The following CHRNA4 variants were observed in gnomAD, a reference collection of about 807,000 sequenced individuals.
The protein encoded by CHRNA4 is neuronal acetylcholine receptor subunit alpha-4.
CHRNA4 carries 28 observed loss-of-function variants against 48.9 expected under a neutral mutation model. The observed-to-expected ratio is 0.57, with a 90% CI of 0.42 to 0.79. The LOEUF (loss-of-function observed/expected upper bound fraction) is 0.79. CHRNA4 is among the 30% of genes least tolerant of loss of function. The pLI is 0.00. For missense variants in CHRNA4, 859 were observed against 898.4 expected, an observed-to-expected ratio of 0.96 and a Z score of 0.56; for synonymous variants, 425 against 402.3, an observed-to-expected ratio of 1.06 and a Z score of -0.68.
chr20:63,345,784 C>T lies in CHRNA4; in HGVS notation c.*954G>A, dbSNP rs202134409. On this transcript the variant is annotated 3_prime_UTR_variant, in exon 6 of 6. Coordinates refer to ENST00000370263, the MANE Select transcript of CHRNA4 (RefSeq NM_000744.7). The surrounding 1 kb of genome is among the most constrained non-coding windows in gnomAD (Gnocchi z 5.4). ...AACCCAGAGCCCAGGGCGGATCTCC[C>T]GGGCTGCGCGCCAAGGTGGAAACCC... 2.0e-5 allele frequency: 9 copies of T among 441,806 alleles called. No individual in the cohort carries two copies. Among genetic ancestry groups the T allele is most frequent in the Middle Eastern group, 7.1e-4 (1 of 1,414 alleles). 27.4% of individuals were successfully genotyped at this position (441,806 alleles called of 1,614,324 possible). A position where few individuals can be genotyped will look rare whatever the true frequency, so the allele number is the denominator to read the frequency against.
At position 63,359,614 on chromosome 20, in the gene CHRNA4, G is replaced by T. The variant is rs776104392; in HGVS notation, c.162C>A (p.Pro54=). ...LFSGYNKWSR[P]VANISDVVLV... ...GGACCACGTCCGAGATGTTGGCCAC[G>T]GGTCGGGACCACTTGTTGTAACCGG... Residue 54 remains proline, a synonymous_variant, in exon 2 of 6, where the codon CCC becomes CCA. Transcript: ENST00000370263. 1 of 1,612,608 alleles carries T rather than the reference G, an allele frequency of 6.2e-7. No individual in the cohort carries two copies. Among genetic ancestry groups the T allele is most frequent in the Non-Finnish European group, 8.5e-7 (1 of 1,179,950 alleles).
Position 63,350,423 on chromosome 20 carries a change from C to A in CHRNA4, c.988G>T (p.Val330Leu). 6.2e-7 allele frequency: 1 copy of A among 1,613,840 alleles called. No individual in the cohort carries two copies. Among genetic ancestry groups the A allele is most frequent in the South Asian group, 1.1e-5 (1 of 91,080 alleles). The change falls in exon 5 of 6, where the codon GTG (valine) becomes TTG (leucine). Residue 330 changes from valine (V) to leucine (L), a missense_variant. Physicochemically the swap from Val to Leu is conservative, Grantham distance 32. Coordinates refer to ENST00000370263, the MANE Select transcript of CHRNA4 (RefSeq NM_000744.7). ...SIVITVFVLN[V>L]HHRSPRTHTM... is the part of the protein sequence containing the mutation. Reference sequence around the variant, plus strand: ...TGCGTGCGTGGCGAGCGGTGGTGCACGTTGAGCACGAAGACCGTGATGACG... The same window carrying A: ...TGCGTGCGTGGCGAGCGGTGGTGCAAGTTGAGCACGAAGACCGTGATGACG...
chr20:63,350,055 G>C lies in CHRNA4; in HGVS notation c.1356C>G (p.Pro452=). ...CCAGCCCTGGTGCCTGGGTGCCGTG[G>C]GGCGGGCGGCAGGGTCCAGGCGAGG... ...PHPSPGPCRP[P]HGTQAPGLAK... The change falls in exon 5 of 6, where the codon CCC becomes CCG. Residue 452 remains proline, a synonymous_variant. Transcript: ENST00000370263. The C allele has an allele frequency of 6.6e-7, 1 of 1,512,590 alleles. No individual in the cohort carries two copies. The highest frequency in any genetic ancestry group is 1.3e-5 in the South Asian group (1 of 75,848). 93.7% of individuals were successfully genotyped at this position (1,512,590 alleles called of 1,614,324 possible).
intron 4 of CHRNA4, among the ~76,000 whole-genome samples, chr20:63,352,411 T>C (rs1429758924): frequency 2.0e-5 from 3 of 152,126 alleles, no homozygotes; most frequent in East Asian, 1.9e-4. Context: ...CCCCCTGAAC[T>C]GGTCCTGAGC....
rs1242705026 is a variant in CHRNA4, at chr20:63,346,252, G to A, written c.*486C>T. On this transcript the variant is annotated 3_prime_UTR_variant, in exon 6 of 6. Coordinates refer to ENST00000370263, the MANE Select transcript of CHRNA4 (RefSeq NM_000744.7). ...CCCGAGAGGCTCAAGGACCCTGGGGGAGAAGTTGAAGCCCACACAGGCGCA... is the reference window on the plus strand; with the variant it reads ...CCCGAGAGGCTCAAGGACCCTGGGGAAGAAGTTGAAGCCCACACAGGCGCA... 6.6e-6 allele frequency: 3 copies of A among 453,414 alleles called. No individual in the cohort carries two copies. Among genetic ancestry groups the A allele is most frequent in the South Asian group, 4.7e-5 (3 of 64,362 alleles). 28.1% of individuals were successfully genotyped at this position (453,414 alleles called of 1,614,324 possible). A position where few individuals can be genotyped will look rare whatever the true frequency, so the allele number is the denominator to read the frequency against.
chr20:63,347,987 G>A (rs762847855), intron 5 of CHRNA4, among the ~76,000 whole-genome samples: 27 of 152,226 alleles, frequency 1.8e-4, no homozygotes, highest in Non-Finnish European at 3.5e-4. Context: ...CTCTGGGGGC[G>A]GGGACGCGGC....
At chr20:63,357,794 C>T (rs1401883523) in intron 2 of CHRNA4, among the ~76,000 whole-genome samples, 2 of 152,228 alleles carry the variant, frequency 1.3e-5, no homozygotes, top group Admixed American at 6.5e-5. Flanking sequence ...CACCCAGGAG[C>T]GTCAGCACCC....
chr20:63,350,207 G>A lies in CHRNA4; in HGVS notation c.1204C>T (p.His402Tyr), dbSNP rs1326831626. 1.2e-6 allele frequency: 2 copies of A among 1,603,410 alleles called. No individual in the cohort carries two copies. Among genetic ancestry groups the A allele is most frequent in the Admixed American group, 3.4e-5 (2 of 58,804 alleles). Residue 402 changes from histidine (H) to tyrosine (Y), a missense_variant, in exon 5 of 6, where the codon CAC (histidine) becomes TAC (tyrosine). By Grantham distance (83) the His-to-Tyr change is moderately conservative (BLOSUM62 2). Transcript: ENST00000370263. ...PPATSGTQSL[H>Y]PPSPSFCVPL... ...ACACAGAAGGACGGTGAGGGCGGGT[G>A]CAGGCTCTGGGTGCCGCTCGTGGCA... is the stretch of plus-strand genomic sequence containing the variant.
chr20:63,358,432 A>G (rs2068751857), intron 2 of CHRNA4, among the ~76,000 whole-genome samples: 1 of 152,184 alleles, frequency 6.6e-6, no homozygotes, highest in Non-Finnish European at 1.5e-5. Context: ...ATTCTCCCGC[A>G]ACCCGGTGGC....
At chr20:63,359,389 G>T in intron 2 of CHRNA4, 159 bp downstream of exon 2, 2 of 904,276 alleles carry the variant, frequency 2.2e-6, no homozygotes, top group Non-Finnish European at 3.5e-6. Context: ...GGCTCAGGCG[G>T]GGCAGAGCTG....
At position 63,350,215 on chromosome 20, in the gene CHRNA4, T is replaced by C. The variant is rs781131183; in HGVS notation, c.1196A>G (p.Gln399Arg). 1.2e-6 allele frequency: 2 copies of C among 1,605,410 alleles called. No homozygotes were observed. Among genetic ancestry groups the C allele is most frequent in the Non-Finnish European group, 8.5e-7 (1 of 1,176,198 alleles). Residue 399 changes from glutamine to arginine, a missense_variant, in exon 5 of 6, where the codon CAG becomes CGG. Physicochemically the swap from Gln to Arg is conservative, Grantham distance 43 (BLOSUM62 1). Transcript: ENST00000370263. ...EGEPPATSGT[Q>R]SLHPPSPSFC... Reference sequence around the variant, plus strand: ...GGACGGTGAGGGCGGGTGCAGGCTCTGGGTGCCGCTCGTGGCAGGGGGCTC... The same window carrying C: ...GGACGGTGAGGGCGGGTGCAGGCTCCGGGTGCCGCTCGTGGCAGGGGGCTC...
rs761584910 is a variant in CHRNA4 at position 63,344,387 on chromosome 20, CTTAA to C, written c.*2347_*2350del. The C allele has an allele frequency of 5.1e-5, 23 of 453,758 alleles. No homozygotes were observed. The highest frequency in any genetic ancestry group is 2.3e-4 in the South Asian group (15 of 64,476). 28.1% of individuals were successfully genotyped at this position (453,758 alleles called of 1,614,324 possible). Reference sequence around the variant, plus strand: ...GCATCTCACCATATGTAAATTTTACCTTAATTAATAAAAACAGCACTGGACGCAA... The same window carrying C: ...GCATCTCACCATATGTAAATTTTACCTTAATAAAAACAGCACTGGACGCAA... On this transcript the variant is annotated 3_prime_UTR_variant, in exon 6 of 6. Transcript: ENST00000370263. The surrounding 1 kb of genome is among the most constrained non-coding windows in gnomAD (Gnocchi z 4.5).
chr20:63,345,427 C>T lies in CHRNA4; in HGVS notation c.*1311G>A, dbSNP rs199634499. On this transcript the variant is annotated 3_prime_UTR_variant, in exon 6 of 6. Transcript: ENST00000370263. This position sits in a 1 kb window ranked among gnomAD's most constrained non-coding sequence, Gnocchi z 5.4. ...AGGGGTGGGGCAGCCTGTGCCCATC[C>T]CAAGGGGAAGTGTGCCCCTGGGGAC... The T allele has an allele frequency of 1.8e-5, 7 of 396,660 alleles. No homozygotes were observed. The highest frequency in any genetic ancestry group is 2.6e-5 in the Admixed American group (1 of 38,040). The allele number at this position is 396,660 out of a possible 1,614,324, so 24.6% of individuals were successfully genotyped here.
intron 4 of CHRNA4, chr20:63,354,817 T>C (rs907472759): frequency 1.0e-5 from 2 of 194,092 alleles, no homozygotes; most frequent in East Asian, 3.7e-4. Flanking sequence ...GGCGGGGAGC[T>C]AGGTGGCTGG....
Position 63,350,660 on chromosome 20 carries a change from T to C in CHRNA4, c.751A>G (p.Ile251Val), listed in dbSNP as rs776882201. 5.6e-6 allele frequency: 9 copies of C among 1,613,660 alleles called. No homozygotes were observed. The highest frequency in any genetic ancestry group is 3.3e-5 in the Admixed American group (2 of 59,984). Residue 251 changes from isoleucine (I) to valine (V), a missense_variant, in exon 5 of 6, where the codon ATC becomes GTC. Ile to Val is a conservative substitution (Grantham distance 29). Around this residue, in one of 3 missense-constraint regions of CHRNA4, gnomAD observed 342 missense variants for 365.3 expected, o/e 0.94. Transcript: ENST00000370263. The part of the protein sequence containing the change: ...RLPLFYTINL[I>V]IPCLLISCLT... ...CAGGAGATGAGCAGGCAGGGGATGA[T>C]GAGGTTGATGGTGTAGAAGAGCGGC...
chr20:63,343,792 T>C lies in CHRNA4; in HGVS notation c.*2946A>G. ...GCAGGCTTCGAGCTGCAGCAGTGTC[T>C]CCCGCTGCCTGGTGCCTGGCACAGG... On this transcript the variant is annotated 3_prime_UTR_variant, in exon 6 of 6. Coordinates refer to ENST00000370263, the MANE Select transcript of CHRNA4 (RefSeq NM_000744.7). 2.2e-6 allele frequency: 1 copy of C among 454,068 alleles called. No individual in the cohort carries two copies. Among genetic ancestry groups the C allele is most frequent in the South Asian group, 1.6e-5 (1 of 64,472 alleles). 28.1% of individuals were successfully genotyped at this position (454,068 alleles called of 1,614,324 possible).
At chr20:63,359,910 T>C in intron 1 of CHRNA4, 2 of 510,884 alleles carry the variant, frequency 3.9e-6, no homozygotes, top group Non-Finnish European at 7.1e-6. Context: ...TGTGTGTGTG[T>C]GTGTGTGTGT....
At position 63,346,482 on chromosome 20, in the gene CHRNA4, C is replaced by T. The variant is rs45509391; in HGVS notation, c.*256G>A. The T allele has an allele frequency of 1.7e-3, 1,083 of 653,508 alleles. 7 individuals are homozygous for T. Among genetic ancestry groups the T allele is most frequent in the African/African-American group, 0.014 (770 of 56,254 alleles). 40.5% of individuals were successfully genotyped at this position (653,508 alleles called of 1,614,324 possible). On this transcript the variant is annotated 3_prime_UTR_variant, in exon 6 of 6. Coordinates refer to ENST00000370263, the MANE Select transcript of CHRNA4 (RefSeq NM_000744.7). ...TAGCCCGAGTCCTGCAGGTAGAAGG[C>T]GCCGACCCCCACCTCTGCTCCAAGC...
chr20:63,346,222 T>C lies in CHRNA4; in HGVS notation c.*516A>G. 2.2e-6 allele frequency: 1 copy of C among 454,274 alleles called. No individual in the cohort carries two copies. Among genetic ancestry groups the C allele is most frequent in the South Asian group, 1.6e-5 (1 of 64,452 alleles). 28.1% of individuals were successfully genotyped at this position (454,274 alleles called of 1,614,324 possible). A position where few individuals can be genotyped will look rare whatever the true frequency, so the allele number is the denominator to read the frequency against. ...TTGGAGCGCTGCTGGCTCACCCTCA[T>C]GGGGCCCGAGAGGCTCAAGGACCCT... On this transcript the variant is annotated 3_prime_UTR_variant, in exon 6 of 6. Transcript: ENST00000370263.
Sources: gnomAD v4.1 joint callset for allele counts (sites outside exome capture counted in the v4.1 genomes callset) on GRCh38, gnomAD v4.1.1 for gene constraint, gnomAD v4.1.1 regional missense constraint, Gnocchi (gnomAD v3.1) non-coding constraint, MANE v1.5 for transcripts, NCBI Gene and HGNC (gene_info 2026-07-23, HGNC 2026-07-21) for gene names.